The following KRT26 variants were observed in gnomAD, a reference collection of about 807,000 sequenced individuals.
KRT26 encodes the protein keratin 26.
In KRT26, 45 loss-of-function variants were observed where a neutral mutation model predicts 46.1. The ratio of observed to expected loss-of-function variants is 0.98; its 90% CI spans 0.77 to 1.25. The LOEUF (loss-of-function observed/expected upper bound fraction) is 1.25, where lower values mean the gene tolerates loss of function less well. Among genes scored for constraint, KRT26 ranks in the 50% most tolerant of loss-of-function variants. The pLI is 0.00. For synonymous variants in KRT26, 191 were observed against 209.9 expected (o/e 0.91, Z 0.78); for missense variants, 582 against 560.1 (o/e 1.04, Z -0.39).
chr17:40,768,729 T>G (rs1666241566), intron 6 of KRT26, 150 bp downstream of exon 6: 3 of 491,998 alleles, frequency 6.1e-6, no homozygotes, highest in Admixed American at 3.8e-5. Context: ...ATGTTTTAAT[T>G]TCACTTGGCT....
chr17:40,769,743 T>A lies in KRT26; in HGVS notation c.969+11A>T. The A allele has an allele frequency of 6.2e-7, 1 of 1,614,148 alleles. No individual in the cohort carries two copies. Among genetic ancestry groups the A allele is most frequent in the Non-Finnish European group, 8.5e-7 (1 of 1,179,984 alleles). ...ACACATATATTCAATTCAATGGCGA[T>A]TCCTACGTACCACAGCCATGAGGGA... On this transcript the variant is annotated intron_variant, in intron 5 of 7. Transcript: ENST00000335552.
rs762168846 is a variant in KRT26 at position 40,768,962 on chromosome 17, C to T, written c.1104G>A (p.Leu368=). ...TTACATCAAGAAGCTGTTCATACTC[C>T]AGCTTCTGGCCTTCTGTTTCTGTTC... The change falls in exon 6 of 8, where the codon CTG becomes CTA. Residue 368 remains leucine, a synonymous_variant. Coordinates refer to ENST00000335552, the Ensembl canonical transcript of KRT26. 1.7e-5 allele frequency: 28 copies of T among 1,613,194 alleles called. No homozygotes were observed. The East Asian group carries it at 5.4e-4, about 31-fold the overall frequency.
intron 2 of KRT26, 57 bp from the exon 3 acceptor site, chr17:40,770,466 C>T (rs904934616): frequency 5.8e-6 from 8 of 1,391,022 alleles, no homozygotes; most frequent in African/African-American, 2.9e-5. Context: ...CAAAGCACAA[C>T]TTTTTAAGGT....
chr17:40,768,402 G>A (rs1043408074), intron 6 of KRT26, among the ~76,000 whole-genome samples: 2 of 152,188 alleles, frequency 1.3e-5, no homozygotes, highest in African/African-American at 4.8e-5. Flanking sequence ...AATTCACCCA[G>A]TATTTGATTC....
At chr17:40,771,932 C>G (rs200744238) in exon 1 of KRT26, 17 of 1,614,078 alleles carry the variant, frequency 1.1e-5, no homozygotes, top group Non-Finnish European at 1.4e-5. Flanking sequence ...TCCCAACCCT[C>G]CACCGCTATT....
In KRT26 at chr17:40,770,276, A is replaced by G. The variant is rs75879256; in HGVS notation, c.658T>C (p.Tyr220His). 2.3e-3 allele frequency: 3,748 copies of G among 1,614,134 alleles called. 71 individuals carry two copies. In the African/African-American group the frequency reaches 0.043, roughly 19 times the overall value. The change falls in exon 3 of 8, where the codon TAC becomes CAC. Residue 220 changes from tyrosine to histidine, a missense_variant. Physicochemically the swap from Tyr to His is moderately conservative, Grantham distance 83. Coordinates refer to ENST00000335552, the Ensembl canonical transcript of KRT26. ...ACCTCCTCATGACTTTTTTTGAGGT[A>G]GGTCAATTCCTCACTGAGGGTCTCA...
At chr17:40,771,825 A>G in exon 1 of KRT26, 1 of 1,614,194 alleles carries the variant, frequency 6.2e-7, no homozygotes, top group Non-Finnish European at 8.5e-7. Flanking sequence ...TGGTCCAGGT[A>G]GGATGCCAGG....
intron 7 of KRT26, among the ~76,000 whole-genome samples, 167 bp from the exon 8 acceptor site, chr17:40,766,833 G>A (rs1452799220): frequency 1.3e-5 from 2 of 151,982 alleles, no homozygotes; most frequent in East Asian, 1.9e-4. Flanking sequence ...TCTGCCTCCC[G>A]GGTTCAAGAG....
Position 40,766,680 on chromosome 17 carries a change from A to G in KRT26, c.1256-14T>C, listed in dbSNP as rs2038175139. 1.3e-6 allele frequency: 2 copies of G among 1,587,634 alleles called. No homozygotes were observed. The highest frequency in any genetic ancestry group is 1.7e-6 in the Non-Finnish European group (2 of 1,160,642). ...CTTCTGTTGAGTCTAAAATAAAATAAATAAAACATTAGTGGTCATTTTTTA... is the reference window on the plus strand; with the variant it reads ...CTTCTGTTGAGTCTAAAATAAAATAGATAAAACATTAGTGGTCATTTTTTA... On this transcript the variant is annotated splice_polypyrimidine_tract_variant and intron_variant, in intron 7 of 7. Transcript: ENST00000335552.
chr17:40,770,895 T>C (rs2038216854), intron 2 of KRT26, among the ~76,000 whole-genome samples: 1 of 152,106 alleles, frequency 6.6e-6, no homozygotes, highest in South Asian at 2.1e-4. Flanking sequence ...TCTTGCCACA[T>C]TGGCCAGGCT....
intron 5 of KRT26, 74 bp downstream of exon 5, chr17:40,769,680 A>T: frequency 6.9e-7 from 1 of 1,443,604 alleles, no homozygotes; most frequent in South Asian, 1.1e-5. Context: ...ACTTGGTGTT[A>T]TATGTATTTT....
chr17:40,767,130 T>C (rs1277314445), intron 7 of KRT26, among the ~76,000 whole-genome samples: 1 of 152,242 alleles, frequency 6.6e-6, no homozygotes, highest in Middle Eastern at 3.2e-3. Flanking sequence ...AGCAAGATCC[T>C]GGACTATCTC....
exon 1 of KRT26, chr17:40,772,113 T>C (rs773675778): frequency 1.2e-6 from 2 of 1,613,164 alleles, no homozygotes; most frequent in South Asian, 1.1e-5. Flanking sequence ...CGAAAAGACA[T>C]GGTGGCAGCA....
chr17:40,769,119 C>T, intron 5 of KRT26, 23 bp from the exon 6 acceptor site: 1 of 1,473,884 alleles, frequency 6.8e-7, no homozygotes, highest in Non-Finnish European at 9.5e-7. Flanking sequence ...CAAAGTGAAG[C>T]TTGAATGTGT....
chr17:40,769,879 T>C, exon 5 of KRT26: 1 of 1,614,188 alleles, frequency 6.2e-7, no homozygotes, highest in East Asian at 2.2e-5. Flanking sequence ...AGCGTTGCAC[T>C]CTGAAGTGTA....
intron 2 of KRT26, 110 bp downstream of exon 2, chr17:40,771,044 G>T: frequency 1.7e-6 from 1 of 587,102 alleles, no homozygotes; most frequent in Non-Finnish European, 3.0e-6. Context: ...TATTGATCTA[G>T]TCTGGCTTTA....
chr17:40,770,315 G>A, exon 3 of KRT26: 1 of 1,614,096 alleles, frequency 6.2e-7, no homozygotes, highest in Non-Finnish European at 8.5e-7. Context: ...TGTATCTCCA[G>A]GTCGGTTGTA....
chr17:40,769,214 G>T, intron 5 of KRT26, 118 bp from the exon 6 acceptor site: 1 of 643,458 alleles, frequency 1.6e-6, no homozygotes, highest in Non-Finnish European at 2.6e-6. Flanking sequence ...GCTGAGTGCA[G>T]TGGCATGATC....
At chr17:40,770,439 G>A in intron 2 of KRT26, 30 bp from the exon 3 acceptor site, 2 of 1,550,568 alleles carry the variant, frequency 1.3e-6, no homozygotes, top group African/African-American at 1.4e-5. Context: ...CCTGAGAGTT[G>A]TCATCGTAGG....
Sources: allele counts gnomAD v4.1 joint callset (sites outside exome capture counted in the v4.1 genomes callset), GRCh38; gene constraint gnomAD v4.1.1; transcripts MANE v1.5; gene names NCBI Gene and HGNC (gene_info 2026-07-23, HGNC 2026-07-21).